EHBP1: variants seen among roughly 807,000 people sequenced by gnomAD.
The protein encoded by EHBP1 is EH domain binding protein 1.
Under a neutral mutation model 144.0 loss-of-function variants are expected in EHBP1, and 55 were observed. That is an observed-to-expected ratio of 0.38 (90% CI 0.31 to 0.48). The LOEUF (loss-of-function observed/expected upper bound fraction) is 0.48. Ranked by LOEUF, EHBP1 falls within the 20% of genes least tolerant of loss-of-function variation. The probability of loss-of-function intolerance (pLI) is 0.98; values close to 1 mark genes in which losing one functional copy is unlikely to be tolerated. For synonymous variants in EHBP1, 469 were observed against 472.7 expected, an observed-to-expected ratio of 0.99 and a Z score of 0.10; for missense variants, 1,200 against 1,364.2, an observed-to-expected ratio of 0.88 and a Z score of 1.90.
chr2:62,980,704 T>A (rs893772796), intron 15 of EHBP1, among the ~76,000 whole-genome samples: 1 of 151,918 alleles, frequency 6.6e-6, no homozygotes, highest in African/African-American at 2.4e-5. Flanking sequence ...TCTTGCCAGG[T>A]ACAGTGCCTC....
intron 21 of EHBP1, among the ~76,000 whole-genome samples, chr2:63,040,580 T>C (rs2061616019): frequency 6.6e-6 from 1 of 152,196 alleles, no homozygotes; most frequent in South Asian, 2.1e-4. Flanking sequence ...TTAAAGCAGT[T>C]TTACTACAGT....
chr2:62,990,895 G>T (rs1422373782), intron 16 of EHBP1, 55 bp downstream of exon 16: 8 of 1,523,054 alleles, frequency 5.3e-6, no homozygotes, highest in Non-Finnish European at 7.1e-6. Context: ...TCTAGTTTCT[G>T]CCAGGAGTTT....
At position 63,016,722 on chromosome 2, in the gene EHBP1, C is replaced by T. The variant is rs543222547; in HGVS notation, c.3103+19956C>T. ...CTGGGATTACAGGCATGAGCCATCG[C>T]GCCCAGCCTGAAATTATGTTTTAAT... On this transcript the variant is annotated intron_variant, in intron 19 of 22. Coordinates refer to ENST00000431489, the MANE Select transcript of EHBP1 (RefSeq NM_001142616.3). Among the ~76,000 whole-genome samples, 146 of 152,004 alleles carry T rather than the reference C, an allele frequency of 9.6e-4. 2 individuals carry two copies. The South Asian group carries it at 0.023, about 24-fold the overall frequency.
upstream of EHBP1, among the ~76,000 whole-genome samples, chr2:62,703,225 G>A (rs2034329122): frequency 6.6e-6 from 1 of 151,856 alleles, no homozygotes. Context: ...AAATTAGCCA[G>A]TCGTGGTAGC....
intron 1 of EHBP1, among the ~76,000 whole-genome samples, chr2:62,696,142 T>TTCTCTC (rs560824913): frequency 7.6e-6 from 1 of 132,332 alleles, no homozygotes; most frequent in South Asian, 2.9e-4. Context: ...CTCCCTTCCT[T>TTCTCTC]TCTCTCTCTC....
intron 5 of EHBP1, among the ~76,000 whole-genome samples, chr2:62,814,134 C>T (rs1266836610): frequency 1.3e-5 from 2 of 152,142 alleles, no homozygotes; most frequent in Non-Finnish European, 1.5e-5. Context: ...AAAAGTAATC[C>T]CCAGTGCAAC....
intron 10 of EHBP1, among the ~76,000 whole-genome samples, chr2:62,878,034 A>C (rs573255178): frequency 2.6e-5 from 4 of 152,186 alleles, no homozygotes; most frequent in Non-Finnish European, 5.9e-5. Flanking sequence ...CAAAAAAATT[A>C]ATGAACCCAA....
At position 62,697,551 on chromosome 2, in the gene EHBP1, T is replaced by G. The variant is rs564521495; in HGVS notation, c.-295-9346T>G. 9.2e-5 allele frequency among the ~76,000 whole-genome samples: 14 copies of G among 152,282 alleles called. No homozygotes were observed. In the South Asian group the frequency reaches 2.5e-3, roughly 27 times the overall value. The stretch of plus-strand genomic sequence containing the variant: ...CACGGTCACCTCTCATCAACTGAAA[T>G]TTTCTAAGGGAAATACTAAACAATG... On this transcript the variant is annotated intron_variant, in intron 1 of 22. Coordinates refer to the EHBP1 transcript ENST00000405015.
Position 62,852,119 on chromosome 2 carries a change from G to A in EHBP1, c.635-7050G>A, listed in dbSNP as rs141403410. ...CTAATACTTCTTCTATATTCCCTGC[G>A]GTGCTCAAATATAACATGTTTAATA... On this transcript the variant is annotated intron_variant, in intron 7 of 22. Transcript: ENST00000431489. Among the ~76,000 whole-genome samples the A allele has an allele frequency of 1.7e-3, 259 of 151,994 alleles. 2 individuals are homozygous for A. Among genetic ancestry groups the A allele is most frequent in the African/African-American group, 4.9e-3 (205 of 41,474 alleles).
intron 2 of EHBP1, among the ~76,000 whole-genome samples, chr2:62,721,920 C>G (rs1051573036): frequency 3.3e-5 from 5 of 152,054 alleles, no homozygotes; most frequent in Admixed American, 2.6e-4. Flanking sequence ...GAAATAATTT[C>G]AGACTTATAG....
intron 5 of EHBP1, among the ~76,000 whole-genome samples, chr2:62,818,327 C>T (rs1189364996): frequency 6.6e-6 from 1 of 151,826 alleles, no homozygotes; most frequent in East Asian, 2.0e-4. Flanking sequence ...AAATGGTGCA[C>T]CTGTATTTTT....
chr2:62,847,466 G>C (rs1047191139), intron 7 of EHBP1, among the ~76,000 whole-genome samples: 1 of 152,080 alleles, frequency 6.6e-6, no homozygotes, highest in Non-Finnish European at 1.5e-5. Flanking sequence ...AGATGACACA[G>C]AAAGCAATAA....
chr2:63,043,537 T>G (rs2061768471), intron 21 of EHBP1, among the ~76,000 whole-genome samples: 1 of 152,234 alleles, frequency 6.6e-6, no homozygotes, highest in African/African-American at 2.4e-5. Flanking sequence ...TAAAACAGTC[T>G]AGCTTTTTGC....
At chr2:62,842,665 C>A (rs944582173) in intron 7 of EHBP1, among the ~76,000 whole-genome samples, 1 of 152,148 alleles carries the variant, frequency 6.6e-6, no homozygotes, top group Non-Finnish European at 1.5e-5. Context: ...AGGCATTTTC[C>A]TATAGACTGA....
intron 2 of EHBP1, among the ~76,000 whole-genome samples, chr2:62,736,284 T>C (rs2038124255): frequency 6.8e-6 from 1 of 146,756 alleles, no homozygotes; most frequent in Non-Finnish European, 1.5e-5. Context: ...TGGAGTACAG[T>C]GGTGCGTTCT....
upstream of EHBP1, among the ~76,000 whole-genome samples, chr2:62,705,308 T>C (rs1172281940): frequency 1.3e-5 from 2 of 152,012 alleles, no homozygotes; most frequent in African/African-American, 2.4e-5. Context: ...AGCCAATCTC[T>C]AGGTCTGCAA....
At chr2:62,943,443 A>T (rs187789831) in intron 11 of EHBP1, among the ~76,000 whole-genome samples, 221 of 150,832 alleles carry the variant, frequency 1.5e-3, no homozygotes, top group Non-Finnish European at 2.7e-3. Flanking sequence ...TCAAATTATT[A>T]TGAAAATTGT....
intron 5 of EHBP1, among the ~76,000 whole-genome samples, chr2:62,805,562 T>C (rs945320556): frequency 2.0e-5 from 3 of 151,990 alleles, no homozygotes; most frequent in African/African-American, 7.2e-5. Flanking sequence ...TCACCTAGGA[T>C]GGAGTATAGT....
chr2:62,914,886 A>C (rs1016036624), intron 10 of EHBP1, among the ~76,000 whole-genome samples: 1 of 152,100 alleles, frequency 6.6e-6, no homozygotes, highest in African/African-American at 2.4e-5. Flanking sequence ...CCAAAATTGC[A>C]TTCATAATTG....
Sources: allele counts gnomAD v4.1 joint callset (sites outside exome capture counted in the v4.1 genomes callset), GRCh38; gene constraint gnomAD v4.1.1; transcripts MANE v1.5; gene names NCBI Gene and HGNC (gene_info 2026-07-23, HGNC 2026-07-21).